DCLK2: variants seen among roughly 807,000 people sequenced by gnomAD.
DCLK2 encodes doublecortin like kinase 2, also known as serine/threonine-protein kinase DCLK2.
In DCLK2, 31 loss-of-function variants were observed where a neutral mutation model predicts 78.4. The ratio of observed to expected loss-of-function variants is 0.40; its 90% confidence interval spans 0.30 to 0.53. The LOEUF is 0.53. Among genes scored for constraint, DCLK2 ranks in the 20% least tolerant of loss-of-function variants. The probability of loss-of-function intolerance (pLI) is 0.61; values close to 1 mark genes in which losing one functional copy is unlikely to be tolerated. For synonymous variants in DCLK2, 407 were observed against 374.9 expected (o/e 1.09, Z -0.99); for missense variants, 872 against 973.7 (o/e 0.90, Z 1.39).
chr4:150,175,014 ATAT>A (rs1736867642), intron 2 of DCLK2, among the ~76,000 whole-genome samples: 1 of 35,870 alleles, frequency 2.8e-5, no homozygotes, highest in African/African-American at 1.2e-4. Flanking sequence ...AAAAAAAAAT[ATAT>A]ATATATATAT....
intron 10 of DCLK2, 48 bp downstream of exon 10, chr4:150,232,876 TA>T (rs1294825094): frequency 6.3e-7 from 1 of 1,588,094 alleles, no homozygotes; most frequent in Admixed American, 1.7e-5. Flanking sequence ...TCTCTTCCTT[TA>T]AAAGGAGCAC....
At position 150,205,692 on chromosome 4, in the gene DCLK2, A is replaced by G. The variant is rs149355220; in HGVS notation, c.1056+1803A>G. On this transcript the variant is annotated intron_variant, in intron 5 of 15. Transcript: ENST00000296550. ...TGGAACAGATTGGAAGTACATTGTT[A>G]TTAATAGAAGTAACTTTCAAGAGAA... is the stretch of plus-strand genomic sequence containing the variant. 3.6e-3 allele frequency among the ~76,000 whole-genome samples: 553 copies of G among 152,340 alleles called. 4 individuals are homozygous for G. The highest frequency in any genetic ancestry group is 0.013 in the African/African-American group (520 of 41,578).
chr4:150,081,630 A>G (rs948876772), intron 1 of DCLK2, among the ~76,000 whole-genome samples: 1 of 152,144 alleles, frequency 6.6e-6, no homozygotes. Flanking sequence ...CTCTCTGACA[A>G]TGGGTCTTTG....
intron 2 of DCLK2, among the ~76,000 whole-genome samples, chr4:150,182,958 T>TTC (rs967011867): frequency 1.1e-4 from 16 of 151,444 alleles, no homozygotes; most frequent in Non-Finnish European, 1.9e-4. Context: ...GGGATTTTTG[T>TTC]TCTCTCTCTC....
chr4:150,232,249 G>A (rs1167375980), intron 8 of DCLK2, 88 bp from the exon 9 acceptor site: 2 of 1,498,808 alleles, frequency 1.3e-6, no homozygotes, highest in Non-Finnish European at 1.8e-6. Flanking sequence ...CAGATCCACA[G>A]GCTGTGTTTG....
At chr4:150,212,469 T>C (rs1163552543) in intron 5 of DCLK2, among the ~76,000 whole-genome samples, 3 of 152,250 alleles carry the variant, frequency 2.0e-5, no homozygotes, top group Non-Finnish European at 4.4e-5. Flanking sequence ...TAATTAAGAC[T>C]AGTTGATAAC....
chr4:150,090,370 C>T (rs1341877150), intron 1 of DCLK2, among the ~76,000 whole-genome samples: 1 of 152,234 alleles, frequency 6.6e-6, no homozygotes, highest in Non-Finnish European at 1.5e-5. Flanking sequence ...CGCGCCATTA[C>T]ACTCCACTCC....
In DCLK2 at chr4:150,153,460, C is replaced by T. The variant is rs181499212; in HGVS notation, c.757-39678C>T. Among the ~76,000 whole-genome samples the T allele has an allele frequency of 3.4e-4, 52 of 151,870 alleles. No individual in the cohort carries two copies. In the East Asian group the frequency reaches 6.8e-3, roughly 20 times the overall value. ...CAGGGTCTTGCTCTGTCATCTAGGCCGGAGTGCAGTGGTACAATAATGACT... is the reference window on the plus strand; with the variant it reads ...CAGGGTCTTGCTCTGTCATCTAGGCTGGAGTGCAGTGGTACAATAATGACT... On this transcript the variant is annotated intron_variant, in intron 2 of 15. Coordinates refer to ENST00000296550, the MANE Select transcript of DCLK2 (RefSeq NM_001040260.4).
intron 2 of DCLK2, among the ~76,000 whole-genome samples, chr4:150,118,008 A>G (rs1399890356): frequency 1.3e-5 from 2 of 152,134 alleles, no homozygotes; most frequent in African/African-American, 2.4e-5. Flanking sequence ...CAGTGGGGAA[A>G]TTGAGGCCAA....
chr4:150,231,327 A>G (rs1362491779), intron 8 of DCLK2, among the ~76,000 whole-genome samples: 1 of 152,234 alleles, frequency 6.6e-6, no homozygotes, highest in Non-Finnish European at 1.5e-5. Context: ...GCTAAGATTT[A>G]TTGAGTGACT....
intron 2 of DCLK2, among the ~76,000 whole-genome samples, chr4:150,174,693 C>T (rs1039075513): frequency 9.3e-5 from 14 of 151,232 alleles, no homozygotes; most frequent in Non-Finnish European, 1.8e-4. Context: ...TAAGTGAAGA[C>T]GGTACTTAAA....
chr4:150,242,770 A>G (rs1743022249), intron 12 of DCLK2, among the ~76,000 whole-genome samples: 1 of 152,222 alleles, frequency 6.6e-6, no homozygotes, highest in Non-Finnish European at 1.5e-5. Flanking sequence ...ATGTGCCGTT[A>G]AGCAAATCAA....
chr4:150,109,312 C>G (rs570324893), intron 2 of DCLK2, among the ~76,000 whole-genome samples: 7 of 150,492 alleles, frequency 4.7e-5, no homozygotes, highest in African/African-American at 7.3e-5. Context: ...AATTCTCACC[C>G]TGTTCCCAAT....
chr4:150,229,796 G>C (rs1741902220), intron 8 of DCLK2, among the ~76,000 whole-genome samples: 1 of 152,090 alleles, frequency 6.6e-6, no homozygotes, highest in South Asian at 2.1e-4. Context: ...TTAGAATCAT[G>C]AATCACTTAA....
At chr4:150,172,965 A>C (rs1045999048) in intron 2 of DCLK2, among the ~76,000 whole-genome samples, 1 of 152,122 alleles carries the variant, frequency 6.6e-6, no homozygotes, top group African/African-American at 2.4e-5. Context: ...AATTTCTCCA[A>C]GTTTCTGTTT....
intron 10 of DCLK2, 86 bp from the exon 11 acceptor site, chr4:150,239,656 G>A (rs985050172): frequency 6.8e-7 from 1 of 1,480,650 alleles, no homozygotes; most frequent in Non-Finnish European, 9.2e-7. Context: ...AAATGTATTT[G>A]TGTCCTTTCT....
intron 3 of DCLK2, among the ~76,000 whole-genome samples, chr4:150,194,921 G>C (rs1014569401): frequency 6.6e-6 from 1 of 151,258 alleles, no homozygotes; most frequent in African/African-American, 2.4e-5. Context: ...AGTCATTCAT[G>C]AGCTTGGGGG....
At chr4:150,103,430 T>TA (rs1211675733) in intron 2 of DCLK2, among the ~76,000 whole-genome samples, 1 of 152,172 alleles carries the variant, frequency 6.6e-6, no homozygotes, top group Non-Finnish European at 1.5e-5. Flanking sequence ...AAAGTTGGCA[T>TA]ATTGCAAAAA....
chr4:150,085,433 G>C (rs1047770731), intron 1 of DCLK2, among the ~76,000 whole-genome samples: 2 of 152,178 alleles, frequency 1.3e-5, no homozygotes, highest in African/African-American at 4.8e-5. Context: ...AGGATATATA[G>C]AGAGGAAATG....
Sources: allele counts gnomAD v4.1 joint callset (sites outside exome capture counted in the v4.1 genomes callset), GRCh38; gene constraint gnomAD v4.1.1; transcripts MANE v1.5; gene names NCBI Gene and HGNC (gene_info 2026-07-23, HGNC 2026-07-21).